The following GRID2 variants were observed in gnomAD, a reference collection of about 807,000 sequenced individuals.
GRID2 encodes glutamate ionotropic receptor delta type subunit 2, also known as glutamate receptor ionotropic, delta-2.
A neutral mutation model predicts 114.8 loss-of-function variants in GRID2; 33 were observed. The observed-to-expected ratio is 0.29, with a 90% CI of 0.22 to 0.38. The LOEUF (loss-of-function observed/expected upper bound fraction) is 0.38, where lower values mean the gene tolerates loss of function less well. Ranked by LOEUF, GRID2 falls within the 10% of genes least tolerant of loss-of-function variation. The pLI is 1.00. For synonymous variants in GRID2, 505 were observed against 449.9 expected (o/e 1.12, Z -1.55); for missense variants, 1,184 against 1,257.7 (o/e 0.94, Z 0.89).
At chr4:93,358,333 T>C (rs1334657895) in intron 8 of GRID2, among the ~76,000 whole-genome samples, 2 of 151,910 alleles carry the variant, frequency 1.3e-5, no homozygotes. Context: ...TGCTTCAGCA[T>C]AAAATGATCA....
At chr4:92,594,243 T>C (rs749011154) in intron 2 of GRID2, among the ~76,000 whole-genome samples, 36 of 151,862 alleles carry the variant, frequency 2.4e-4, no homozygotes, top group Non-Finnish European at 4.9e-4. Context: ...CTCAAAAAAG[T>C]AGCAGATTTA....
At chr4:93,057,899 G>A (rs1727413130) in intron 2 of GRID2, among the ~76,000 whole-genome samples, 1 of 151,890 alleles carries the variant, frequency 6.6e-6, no homozygotes, top group East Asian at 1.9e-4. Context: ...TGTGTTCAAA[G>A]ATGATTTTTA....
At position 92,367,281 on chromosome 4, in the gene GRID2, A is replaced by G. The variant is rs540375604; in HGVS notation, c.88+62537A>G. 9.9e-5 allele frequency among the ~76,000 whole-genome samples: 15 copies of G among 152,226 alleles called. No individual in the cohort carries two copies. The South Asian group carries it at 3.1e-3, about 32-fold the overall frequency. ...TGCTACACATGTTAGTTGAGACTTA[A>G]TTTATAATGGGAAAGAGAACAATGA... is the stretch of plus-strand genomic sequence containing the variant. On this transcript the variant is annotated intron_variant, in intron 1 of 15. Transcript: ENST00000282020.
At chr4:92,392,960 C>A (rs200360291) in intron 1 of GRID2, among the ~76,000 whole-genome samples, 1 of 152,050 alleles carries the variant, frequency 6.6e-6, no homozygotes, top group Admixed American at 6.6e-5. Flanking sequence ...GGATAACTTA[C>A]AAGAAAAGAG....
intron 1 of GRID2, among the ~76,000 whole-genome samples, chr4:93,806,074 G>A (rs1735023173): frequency 6.6e-6 from 1 of 151,926 alleles, no homozygotes; most frequent in Non-Finnish European, 1.5e-5. Context: ...TCCCGCCTGG[G>A]CAAGAAAGCA....
intron 2 of GRID2, among the ~76,000 whole-genome samples, chr4:93,007,852 C>T (rs993429723): frequency 2.6e-5 from 4 of 151,756 alleles, no homozygotes; most frequent in Non-Finnish European, 5.9e-5. Context: ...ACCATCCTGG[C>T]CAACATGGTG....
At chr4:93,585,290 C>A (rs1332280703) in intron 13 of GRID2, among the ~76,000 whole-genome samples, 1 of 152,026 alleles carries the variant, frequency 6.6e-6, no homozygotes, top group Non-Finnish European at 1.5e-5. Context: ...TTGAAAGCTC[C>A]GTTTTTGTCT....
chr4:92,670,530 T>C (rs370897301), intron 2 of GRID2, among the ~76,000 whole-genome samples: 15 of 152,220 alleles, frequency 9.9e-5, no homozygotes, highest in African/African-American at 3.6e-4. Flanking sequence ...ATTGGCTTCA[T>C]GATACTACTT....
chr4:92,703,311 G>C (rs1250814924), intron 2 of GRID2, among the ~76,000 whole-genome samples: 1 of 152,106 alleles, frequency 6.6e-6, no homozygotes, highest in Non-Finnish European at 1.5e-5. Flanking sequence ...GACCACTGTT[G>C]AAAGCAAGGT....
chr4:93,177,376 C>T (rs1488270862), intron 4 of GRID2, among the ~76,000 whole-genome samples: 2 of 152,140 alleles, frequency 1.3e-5, no homozygotes, highest in Non-Finnish European at 2.9e-5. Context: ...ATAGATGAAT[C>T]CTTTGATCCT....
At position 92,824,162 on chromosome 4, in the gene GRID2, C is replaced by T. The variant is rs144028385; in HGVS notation, c.244+233876C>T. ...AGTTTGACCTGTAGGCTAAGAAAGACGTAGATAAAGGCATTTTTGCCTGCT... is the reference window on the plus strand; with the variant it reads ...AGTTTGACCTGTAGGCTAAGAAAGATGTAGATAAAGGCATTTTTGCCTGCT... On this transcript the variant is annotated intron_variant, in intron 2 of 15. Transcript: ENST00000282020. Among the ~76,000 whole-genome samples, 810 of 152,142 alleles carry T rather than the reference C, an allele frequency of 5.3e-3. 7 individuals carry two copies. Among genetic ancestry groups the T allele is most frequent in the Non-Finnish European group, 7.1e-3 (480 of 67,998 alleles).
intron 8 of GRID2, among the ~76,000 whole-genome samples, chr4:93,327,743 G>A (rs1234171575): frequency 1.3e-5 from 2 of 150,766 alleles, no homozygotes; most frequent in African/African-American, 4.9e-5. Flanking sequence ...GAAGGGTGGG[G>A]GTCAAGTGGG....
At chr4:93,402,903 A>G (rs533333592) in intron 9 of GRID2, among the ~76,000 whole-genome samples, 6 of 152,278 alleles carry the variant, frequency 3.9e-5, no homozygotes, top group Admixed American at 3.9e-4. Context: ...TGCTAAGGAC[A>G]TTGTCCAAGT....
chr4:93,600,884 G>A (rs1739606766), intron 13 of GRID2, among the ~76,000 whole-genome samples: 3 of 152,156 alleles, frequency 2.0e-5, no homozygotes, highest in Admixed American at 2.0e-4. Flanking sequence ...TATCTGAAAA[G>A]CATTGTGCTG....
chr4:93,696,145 C>T (rs1003184109), intron 14 of GRID2, among the ~76,000 whole-genome samples: 17 of 152,138 alleles, frequency 1.1e-4, no homozygotes, highest in African/African-American at 4.1e-4. Context: ...GAAGTATAAC[C>T]TAAGATCTAT....
At chr4:92,521,714 A>C (rs76206369) in intron 1 of GRID2, among the ~76,000 whole-genome samples, 100 of 152,054 alleles carry the variant, frequency 6.6e-4, no homozygotes, top group Non-Finnish European at 1.3e-3. Context: ...TGGTTAATAA[A>C]ATTTCTTGCA....
At chr4:92,421,356 G>A (rs1214285364) in intron 1 of GRID2, among the ~76,000 whole-genome samples, 2 of 152,042 alleles carry the variant, frequency 1.3e-5, no homozygotes, top group African/African-American at 2.4e-5. Context: ...TTATACAATT[G>A]TGGGAGGAGC....
At chr4:92,922,237 C>G (rs1354665900) in intron 2 of GRID2, among the ~76,000 whole-genome samples, 1 of 151,996 alleles carries the variant, frequency 6.6e-6, no homozygotes, top group Non-Finnish European at 1.5e-5. Flanking sequence ...TTTCCAGGTG[C>G]CATCGTCACC....
chr4:92,957,452 T>C (rs1752492079), intron 2 of GRID2, among the ~76,000 whole-genome samples: 1 of 152,076 alleles, frequency 6.6e-6, no homozygotes, highest in Non-Finnish European at 1.5e-5. Flanking sequence ...TGTCAAAGAT[T>C]GGTATACTGT....
Sources: allele counts gnomAD v4.1 joint callset (sites outside exome capture counted in the v4.1 genomes callset), GRCh38; gene constraint gnomAD v4.1.1; transcripts MANE v1.5; gene names NCBI Gene and HGNC (gene_info 2026-07-23, HGNC 2026-07-21).